PTPRG: variants seen among roughly 807,000 people sequenced by gnomAD.
PTPRG encodes the protein receptor-type tyrosine-protein phosphatase gamma.
PTPRG carries 102 observed loss-of-function variants against 165.3 expected under a neutral mutation model. The observed-to-expected ratio is 0.62, with a 90% CI of 0.53 to 0.73. The LOEUF (loss-of-function observed/expected upper bound fraction) is 0.73. Among genes scored for constraint, PTPRG ranks in the 30% least tolerant of loss-of-function variants. The pLI, the probability that PTPRG is intolerant of heterozygous loss-of-function variation, is 0.00. For missense variants in PTPRG, 1,866 were observed against 1,861.4 expected (o/e 1.00, Z -0.05); for synonymous variants, 675 against 669.5 (o/e 1.01, Z -0.13).
intron 5 of PTPRG, among the ~76,000 whole-genome samples, chr3:62,098,116 C>T (rs1166254530): frequency 6.6e-6 from 1 of 152,070 alleles, no homozygotes; most frequent in East Asian, 1.9e-4. Flanking sequence ...TCAATTTACT[C>T]TTCTATAGGG....
chr3:62,013,912 G>A (rs2041483575), intron 4 of PTPRG, among the ~76,000 whole-genome samples: 2 of 151,970 alleles, frequency 1.3e-5, no homozygotes, highest in Admixed American at 1.3e-4. Flanking sequence ...AAATAAAGCT[G>A]GCTGGGGAGA....
chr3:61,835,870 A>C (rs2036442314), intron 2 of PTPRG, among the ~76,000 whole-genome samples: 1 of 151,548 alleles, frequency 6.6e-6, no homozygotes, highest in Admixed American at 6.6e-5. Context: ...GTGAAACCCC[A>C]TCTCTGTTAA....
chr3:61,699,233 C>A (rs779887153), intron 1 of PTPRG, among the ~76,000 whole-genome samples: 1 of 150,996 alleles, frequency 6.6e-6, no homozygotes, highest in South Asian at 2.1e-4. Context: ...GTGGTATGGC[C>A]GTAGGAAAAA....
chr3:61,669,581 C>G (rs2107060710), intron 1 of PTPRG, among the ~76,000 whole-genome samples: 1 of 152,252 alleles, frequency 6.6e-6, no homozygotes, highest in South Asian at 2.1e-4. Flanking sequence ...ATGACTGGAC[C>G]CCCGTGCCTG....
At chr3:61,595,720 A>T (rs942548200) in intron 1 of PTPRG, among the ~76,000 whole-genome samples, 2 of 152,146 alleles carry the variant, frequency 1.3e-5, no homozygotes, top group African/African-American at 4.8e-5. Context: ...GGGGTCTTGG[A>T]GTCTTTATTG....
At chr3:62,120,703 T>C (rs1165432200) in intron 5 of PTPRG, among the ~76,000 whole-genome samples, 2 of 149,298 alleles carry the variant, frequency 1.3e-5, no homozygotes, top group African/African-American at 4.9e-5. Context: ...TGAGCCGAGA[T>C]AGTGCCACTG....
At chr3:61,799,122 C>G (rs971128405) in intron 2 of PTPRG, among the ~76,000 whole-genome samples, 1 of 151,876 alleles carries the variant, frequency 6.6e-6, no homozygotes, top group Admixed American at 6.6e-5. Flanking sequence ...CATGAATTAT[C>G]TCTTACAGGA....
intron 2 of PTPRG, among the ~76,000 whole-genome samples, chr3:61,934,672 T>A (rs986319480): frequency 7.9e-5 from 12 of 152,158 alleles, no homozygotes; most frequent in African/African-American, 2.9e-4. Context: ...CATTCCCTTT[T>A]AAGAGTGTGT....
At chr3:62,225,736 C>T (rs1053765139) in intron 13 of PTPRG, among the ~76,000 whole-genome samples, 1 of 148,772 alleles carries the variant, frequency 6.7e-6, no homozygotes, top group Admixed American at 6.7e-5. Flanking sequence ...GCTCACTGCA[C>T]CTCCACCTCC....
Position 62,286,000 on chromosome 3 carries a change from CAT to C in PTPRG, c.4055+3132_4055+3133del, listed in dbSNP as rs1269348845. On this transcript the variant is annotated intron_variant, in intron 28 of 29. Coordinates refer to ENST00000474889, the MANE Select transcript of PTPRG (RefSeq NM_002841.4). Reference sequence around the variant, plus strand: ...AAAAGAGTTTTCCAGAAGTACATGACATGTGATAACATCACTTTTAGGGCTAA... The same window carrying C: ...AAAAGAGTTTTCCAGAAGTACATGACGTGATAACATCACTTTTAGGGCTAA... Among the ~76,000 whole-genome samples the C allele has an allele frequency of 3.9e-5, 6 of 152,208 alleles. No homozygotes were observed. The East Asian group carries it at 7.7e-4, about 20-fold the overall frequency.
chr3:62,191,127 G>C (rs565264494), intron 8 of PTPRG, among the ~76,000 whole-genome samples: 1 of 151,206 alleles, frequency 6.6e-6, no homozygotes, highest in Non-Finnish European at 1.5e-5. Flanking sequence ...ACATGTGTGC[G>C]TGTGTGCGTC....
At chr3:62,061,498 C>G (rs1700809139) in intron 4 of PTPRG, among the ~76,000 whole-genome samples, 1 of 152,042 alleles carries the variant, frequency 6.6e-6, no homozygotes, top group Non-Finnish European at 1.5e-5. Context: ...ATTTTTATTC[C>G]AAATTACTAA....
chr3:62,067,654 G>C (rs1701062964), intron 4 of PTPRG, among the ~76,000 whole-genome samples: 2 of 152,126 alleles, frequency 1.3e-5, no homozygotes, highest in African/African-American at 2.4e-5. Context: ...CAGATCATCA[G>C]GCATTAGATT....
intron 12 of PTPRG, among the ~76,000 whole-genome samples, chr3:62,204,424 G>A (rs1044490930): frequency 3.3e-5 from 5 of 152,246 alleles, no homozygotes; most frequent in East Asian, 3.9e-4. Flanking sequence ...TAGCTGGAGC[G>A]CATGCCCAGA....
chr3:62,094,597 T>A (rs1702048355), intron 5 of PTPRG, among the ~76,000 whole-genome samples: 1 of 152,186 alleles, frequency 6.6e-6, no homozygotes. Flanking sequence ...GTCCCATTGC[T>A]TCAGTAAAAG....
At chr3:61,849,933 A>C (rs941318992) in intron 2 of PTPRG, among the ~76,000 whole-genome samples, 2 of 152,098 alleles carry the variant, frequency 1.3e-5, no homozygotes, top group Non-Finnish European at 2.9e-5. Context: ...TATTTTTATG[A>C]TTGATTTTTA....
chr3:62,058,387 T>A (rs947159336), intron 4 of PTPRG, among the ~76,000 whole-genome samples: 4 of 152,136 alleles, frequency 2.6e-5, no homozygotes, highest in African/African-American at 9.7e-5. Flanking sequence ...ACCAGGGTTG[T>A]CTGAAACGCC....
intron 2 of PTPRG, among the ~76,000 whole-genome samples, chr3:61,906,005 CAG>C (rs140296052): frequency 0.018 from 2,769 of 152,180 alleles, 37 homozygotes; most frequent in Non-Finnish European, 0.029. Flanking sequence ...TGTTTTATTT[CAG>C]AGAGACATGA....
intron 1 of PTPRG, among the ~76,000 whole-genome samples, chr3:61,644,439 T>C (rs1702147715): frequency 6.6e-6 from 1 of 152,164 alleles, no homozygotes; most frequent in Non-Finnish European, 1.5e-5. Flanking sequence ...TTAAAGCTGC[T>C]CAAGGGAATT....
Sources: gnomAD v4.1 joint callset for allele counts (sites outside exome capture counted in the v4.1 genomes callset) on GRCh38, gnomAD v4.1.1 for gene constraint, MANE v1.5 for transcripts, NCBI Gene and HGNC (gene_info 2026-07-23, HGNC 2026-07-21) for gene names.